ARHGEF38: variants seen among roughly 807,000 people sequenced by gnomAD.
The protein encoded by ARHGEF38 is Rho guanine nucleotide exchange factor 38.
A neutral mutation model predicts 79.9 loss-of-function variants in ARHGEF38; 79 were observed. That is an observed-to-expected ratio of 0.99 (90% CI 0.82 to 1.19). ARHGEF38 has a LOEUF of 1.19. ARHGEF38 is among the 50% of genes most tolerant of loss of function. The probability of loss-of-function intolerance (pLI) is 0.00; values close to 1 mark genes in which losing one functional copy is unlikely to be tolerated. For missense variants in ARHGEF38, 962 were observed against 907.2 expected (o/e 1.06, Z -0.78); for synonymous variants, 366 against 328.3 (o/e 1.11, Z -1.24).
At chr4:105,592,887 G>T (rs542945557) in intron 2 of ARHGEF38, among the ~76,000 whole-genome samples, 1 of 152,090 alleles carries the variant, frequency 6.6e-6, no homozygotes, top group Non-Finnish European at 1.5e-5. Context: ...AATGGTTCCC[G>T]CTTCTAATGA....
intron 3 of ARHGEF38, among the ~76,000 whole-genome samples, chr4:105,630,173 A>T (rs2110516076): frequency 6.6e-6 from 1 of 152,230 alleles, no homozygotes. Context: ...GAGTAAAAAT[A>T]ACTTGCTCAA....
intron 5 of ARHGEF38, among the ~76,000 whole-genome samples, chr4:105,638,333 C>T (rs557611492): frequency 6.6e-6 from 1 of 152,144 alleles, no homozygotes; most frequent in South Asian, 2.1e-4. Flanking sequence ...ATTAAAGTGA[C>T]AGCAATCATA....
At chr4:105,562,709 A>C (rs1194602900) in intron 1 of ARHGEF38, among the ~76,000 whole-genome samples, 1 of 152,226 alleles carries the variant, frequency 6.6e-6, no homozygotes, top group Non-Finnish European at 1.5e-5. Context: ...TGAGTGAGAC[A>C]GGTTGTGAAC....
In ARHGEF38 at chr4:105,667,609, G is replaced by A. The variant is rs539924279; in HGVS notation, c.2054G>A (p.Ser685Asn). ...SDSVTGTSESSIGDSSSSLSG... is the reference protein window; with the variant it reads ...SDSVTGTSESNIGDSSSSLSG... The stretch of plus-strand genomic sequence containing the variant: ...AGTGTCACAGGCACCTCAGAAAGCA[G>A]CATTGGTGATAGCAGCTCATCTCTT... Residue 685 changes from serine (S) to asparagine (N), a missense_variant, in exon 13 of 14, where the codon AGC becomes AAC. Coordinates refer to ENST00000420470, the MANE Select transcript of ARHGEF38 (RefSeq NM_001242729.2). 1.3e-5 allele frequency: 20 copies of A among 1,536,696 alleles called. No homozygotes were observed. In the South Asian group the frequency reaches 1.8e-4, roughly 14 times the overall value.
chr4:105,614,392 G>A (rs1230896834), intron 3 of ARHGEF38, among the ~76,000 whole-genome samples: 1 of 152,078 alleles, frequency 6.6e-6, no homozygotes, highest in Non-Finnish European at 1.5e-5. Flanking sequence ...CTTGTTTGAT[G>A]TAGATCTTTA....
intron 1 of ARHGEF38, among the ~76,000 whole-genome samples, chr4:105,584,604 C>G (rs1726943670): frequency 6.6e-6 from 1 of 152,118 alleles, no homozygotes; most frequent in African/African-American, 2.4e-5. Context: ...GCACTTAAAC[C>G]TCTACTATAT....
chr4:105,584,731 CAAAG>C (rs1178532966), intron 1 of ARHGEF38, among the ~76,000 whole-genome samples: 2 of 152,050 alleles, frequency 1.3e-5, no homozygotes, highest in East Asian at 1.9e-4. Flanking sequence ...TTATAATTTA[CAAAG>C]AAAGAAAGAA....
chr4:105,619,215 T>C (rs1203491855), intron 3 of ARHGEF38, among the ~76,000 whole-genome samples: 1 of 151,882 alleles, frequency 6.6e-6, no homozygotes, highest in Non-Finnish European at 1.5e-5. Flanking sequence ...CTTTGATCAA[T>C]GAAATGAGGC....
chr4:105,574,393 A>G (rs1726381614), intron 1 of ARHGEF38, among the ~76,000 whole-genome samples: 1 of 151,808 alleles, frequency 6.6e-6, no homozygotes, highest in Non-Finnish European at 1.5e-5. Flanking sequence ...TAAAGATACA[A>G]AAAAAAATTT....
chr4:105,587,425 T>G (rs1356212940), intron 1 of ARHGEF38, among the ~76,000 whole-genome samples: 2 of 152,210 alleles, frequency 1.3e-5, no homozygotes, highest in African/African-American at 4.8e-5. Context: ...GAATAGATTA[T>G]CTGTTCTTAT....
intron 2 of ARHGEF38, among the ~76,000 whole-genome samples, chr4:105,597,105 T>A (rs1727617005): frequency 6.6e-6 from 1 of 152,178 alleles, no homozygotes; most frequent in Non-Finnish European, 1.5e-5. Flanking sequence ...ATTTTGCTAC[T>A]TTCATTGAGC....
chr4:105,574,385 A>C (rs889562532), intron 1 of ARHGEF38, among the ~76,000 whole-genome samples: 1 of 151,990 alleles, frequency 6.6e-6, no homozygotes, highest in African/African-American at 2.4e-5. Flanking sequence ...ATTTCTACTA[A>C]AGATACAAAA....
rs181703685 is a variant in ARHGEF38, at chr4:105,648,372, G to T, written c.875-177G>T. On this transcript the variant is annotated intron_variant, in intron 6 of 13. Transcript: ENST00000420470. ...GTTTCTGGAGGTCAGTGGGGTGGGT[G>T]CCTGACTGGGACATGGGTGGACAGT... Among the ~76,000 whole-genome samples the T allele has an allele frequency of 3.9e-5, 6 of 152,168 alleles. No individual in the cohort carries two copies. In the East Asian group the frequency reaches 7.8e-4, roughly 20 times the overall value.
chr4:105,650,488 A>C (rs757230044), intron 7 of ARHGEF38, among the ~76,000 whole-genome samples: 3 of 152,166 alleles, frequency 2.0e-5, no homozygotes, highest in Non-Finnish European at 4.4e-5. Flanking sequence ...AGTTATTTAA[A>C]ATAGCCAGTC....
At chr4:105,596,428 C>T (rs543447699) in intron 2 of ARHGEF38, among the ~76,000 whole-genome samples, 2 of 152,154 alleles carry the variant, frequency 1.3e-5, no homozygotes, top group South Asian at 2.1e-4. Context: ...GAGAAGGCTG[C>T]GTGTGAGGAG....
chr4:105,583,985 A>G (rs1291840299), intron 1 of ARHGEF38, among the ~76,000 whole-genome samples: 1 of 152,038 alleles, frequency 6.6e-6, no homozygotes, highest in Non-Finnish European at 1.5e-5. Flanking sequence ...ATGTTTCCTG[A>G]GTATGTTCCC....
intron 10 of ARHGEF38, among the ~76,000 whole-genome samples, chr4:105,665,321 C>T (rs375461644): frequency 3.9e-5 from 6 of 151,912 alleles, no homozygotes; most frequent in Admixed American, 2.6e-4. Flanking sequence ...GGTGAAACCC[C>T]GTCTCTACTA....
intron 6 of ARHGEF38, among the ~76,000 whole-genome samples, chr4:105,646,883 ATAC>A (rs1729865417): frequency 6.6e-6 from 1 of 152,130 alleles, no homozygotes; most frequent in Non-Finnish European, 1.5e-5. Flanking sequence ...GTGCAATATG[ATAC>A]TATTTTATAA....
chr4:105,613,548 A>G (rs77098755), intron 3 of ARHGEF38, 41 bp downstream of exon 3: 1 of 1,598,446 alleles, frequency 6.3e-7, no homozygotes. Flanking sequence ...TACAACAGGA[A>G]ATAATTTTTT....
Sources: gnomAD v4.1 joint callset for allele counts (sites outside exome capture counted in the v4.1 genomes callset) on GRCh38, gnomAD v4.1.1 for gene constraint, MANE v1.5 for transcripts, NCBI Gene and HGNC (gene_info 2026-07-23, HGNC 2026-07-21) for gene names.